DPYD: variants seen among roughly 807,000 people sequenced by gnomAD.
The protein encoded by DPYD is dihydropyrimidine dehydrogenase, also known as dihydropyrimidine dehydrogenase [NADP(+)].
Under a neutral mutation model 116.2 loss-of-function variants are expected in DPYD, and 109 were observed. The ratio of observed to expected loss-of-function variants is 0.94; its 90% CI spans 0.80 to 1.10. The LOEUF (loss-of-function observed/expected upper bound fraction) is 1.10. Among genes scored for constraint, DPYD ranks in the 50% least tolerant of loss-of-function variants. The probability of loss-of-function intolerance (pLI) is 0.00; values close to 1 mark genes in which losing one functional copy is unlikely to be tolerated. For synonymous variants in DPYD, 440 were observed against 432.0 expected (o/e 1.02, Z -0.23); for missense variants, 1,302 against 1,254.5 (o/e 1.04, Z -0.57).
intron 3 of DPYD, chr1:97,774,562 G>C (rs551468228): frequency 2.6e-5 from 4 of 152,470 alleles, no homozygotes; most frequent in South Asian, 2.1e-4. Flanking sequence ...GTATGGCTCT[G>C]GGTATCTACC....
Position 97,726,032 on chromosome 1 carries a change from A to C in DPYD, c.322-4361T>G, listed in dbSNP as rs915312100. Reference sequence around the variant, plus strand: ...TAAAGCATGCATTTAAAGGAGTGGGAATTATATACTCAATTTAATAAAGGA... The same window carrying C: ...TAAAGCATGCATTTAAAGGAGTGGGCATTATATACTCAATTTAATAAAGGA... On this transcript the variant is annotated intron_variant, in intron 4 of 22. Coordinates refer to ENST00000370192, the MANE Select transcript of DPYD (RefSeq NM_000110.4). Among the ~76,000 whole-genome samples the C allele has an allele frequency of 2.0e-5, 3 of 151,562 alleles. No individual in the cohort carries two copies. In the Admixed American group the frequency reaches 2.0e-4, roughly 10 times the overall value.
At chr1:97,434,143 T>A (rs1675330363) in intron 14 of DPYD, among the ~76,000 whole-genome samples, 1 of 152,112 alleles carries the variant, frequency 6.6e-6, no homozygotes, top group African/African-American at 2.4e-5. Flanking sequence ...TAAATTAAAT[T>A]ATTTATTATG....
At chr1:97,777,829 C>T (rs544212816) in intron 3 of DPYD, among the ~76,000 whole-genome samples, 97 of 152,116 alleles carry the variant, frequency 6.4e-4, no homozygotes, top group African/African-American at 2.3e-3. Context: ...ATAAATGCGA[C>T]AACCCTCAAG....
At chr1:97,390,990 C>T (rs1393729121) in intron 14 of DPYD, among the ~76,000 whole-genome samples, 1 of 151,526 alleles carries the variant, frequency 6.6e-6, no homozygotes, top group Admixed American at 6.6e-5. Context: ...TACTAACCAC[C>T]TCCAGTTTCT....
At chr1:97,583,160 G>A (rs371868816) in intron 10 of DPYD, among the ~76,000 whole-genome samples, 12 of 151,920 alleles carry the variant, frequency 7.9e-5, no homozygotes, top group Non-Finnish European at 1.5e-4. Context: ...TAGTAGAGAC[G>A]GGGTTTCACT....
At chr1:97,781,693 AT>A (rs1666758500) in intron 3 of DPYD, among the ~76,000 whole-genome samples, 1 of 152,168 alleles carries the variant, frequency 6.6e-6, no homozygotes, top group South Asian at 2.1e-4. Context: ...GGTACAAATA[AT>A]TTCTTAGCAG....
At chr1:97,525,421 T>C (rs1177841822) in intron 12 of DPYD, among the ~76,000 whole-genome samples, 1 of 152,188 alleles carries the variant, frequency 6.6e-6, no homozygotes, top group South Asian at 2.1e-4. Context: ...AGCTGCTTCC[T>C]AATCGTACTC....
chr1:97,499,333 T>C (rs1298831061), intron 13 of DPYD, among the ~76,000 whole-genome samples: 1 of 151,828 alleles, frequency 6.6e-6, no homozygotes, highest in Non-Finnish European at 1.5e-5. Context: ...ATAATTTTTC[T>C]ACATTCTTGA....
intron 14 of DPYD, among the ~76,000 whole-genome samples, chr1:97,409,541 T>A (rs748962685): frequency 1.3e-5 from 2 of 152,230 alleles, no homozygotes; most frequent in Non-Finnish European, 2.9e-5. Context: ...GCTTGTTAAA[T>A]GCAATGCTTT....
At chr1:97,192,410 C>T (rs950931326) in intron 20 of DPYD, among the ~76,000 whole-genome samples, 6 of 152,040 alleles carry the variant, frequency 3.9e-5, no homozygotes, top group Non-Finnish European at 7.4e-5. Context: ...TAATTTTTTC[C>T]TCCCCTCATT....
chr1:97,198,219 T>G (rs942132548), intron 19 of DPYD, among the ~76,000 whole-genome samples: 1 of 152,094 alleles, frequency 6.6e-6, no homozygotes, highest in Non-Finnish European at 1.5e-5. Flanking sequence ...TGGACCACAC[T>G]TAGAACAGCA....
chr1:97,678,588 T>C lies in DPYD; in HGVS notation c.850+507A>G, dbSNP rs78713615. On this transcript the variant is annotated intron_variant, in intron 8 of 22. Transcript: ENST00000370192. The stretch of plus-strand genomic sequence containing the variant: ...TTAGGCAAAATATGAGAAAACAGTA[T>C]ACAGTGAGTGCCTCAGGAGTAATAC... Among the ~76,000 whole-genome samples the C allele has an allele frequency of 2.3e-3, 348 of 152,242 alleles. 13 individuals carry two copies. In the East Asian group the frequency reaches 0.057, roughly 25 times the overall value.
intron 5 of DPYD, 61 bp downstream of exon 5, chr1:97,721,449 T>C (rs1662917539): frequency 6.3e-7 from 1 of 1,595,722 alleles, no homozygotes; most frequent in Admixed American, 1.7e-5. Context: ...ATTAAAGTTA[T>C]TTTAAGATAT....
chr1:97,263,371 T>C (rs1664018492), intron 18 of DPYD, among the ~76,000 whole-genome samples: 1 of 152,110 alleles, frequency 6.6e-6, no homozygotes, highest in African/African-American at 2.4e-5. Flanking sequence ...TTCCCCACTA[T>C]GATTACAATA....
intron 18 of DPYD, among the ~76,000 whole-genome samples, chr1:97,266,566 C>T (rs1664239945): frequency 6.6e-6 from 1 of 152,082 alleles, no homozygotes; most frequent in East Asian, 1.9e-4. Flanking sequence ...TTCTAGGGTA[C>T]ATGTGCACAA....
chr1:97,306,126 T>C (rs1348956015), intron 17 of DPYD, 51 bp downstream of exon 17: 17 of 1,610,486 alleles, frequency 1.1e-5, no homozygotes, highest in Admixed American at 5.0e-5. Flanking sequence ...GGCTACATAA[T>C]GTGGGCCAAT....
chr1:97,378,078 T>C (rs1180997450), intron 15 of DPYD, among the ~76,000 whole-genome samples: 1 of 152,212 alleles, frequency 6.6e-6, no homozygotes, highest in Non-Finnish European at 1.5e-5. Context: ...TGCTATCCTC[T>C]AGTCTCAACT....
intron 20 of DPYD, among the ~76,000 whole-genome samples, chr1:97,127,083 C>A (rs1369741399): frequency 6.6e-6 from 1 of 152,152 alleles, no homozygotes. Context: ...AAATGGCAAG[C>A]TTCATACAAG....
chr1:97,440,499 CT>C (rs1239937707), intron 14 of DPYD, among the ~76,000 whole-genome samples: 2 of 151,652 alleles, frequency 1.3e-5, no homozygotes, highest in African/African-American at 4.9e-5. Flanking sequence ...GGCTATAACT[CT>C]TTGAGGCTTT....
Sources: allele counts gnomAD v4.1 joint callset (sites outside exome capture counted in the v4.1 genomes callset), GRCh38; gene constraint gnomAD v4.1.1; transcripts MANE v1.5; gene names NCBI Gene and HGNC (gene_info 2026-07-23, HGNC 2026-07-21).